NOTCH2NLA: variants seen among roughly 807,000 people sequenced by gnomAD.
NOTCH2NLA encodes notch homolog 2 N-terminal-like protein A.
intron 2 of NOTCH2NLA, among the ~76,000 whole-genome samples, chr1:146,172,459 A>G (rs1159130025): frequency 6.6e-6 from 1 of 150,878 alleles, no homozygotes; most frequent in East Asian, 1.9e-4. Flanking sequence ...CCAATCATCT[A>G]ACCATCTTAC....
Position 146,228,878 on chromosome 1 carries a change from C to T in NOTCH2NLA, c.-214G>A, listed in dbSNP as rs1357912210. 8.1e-6 allele frequency: 12 copies of T among 1,474,644 alleles called. No individual in the cohort carries two copies. The African/African-American group carries it at 1.7e-4, about 20-fold the overall frequency. 91.3% of individuals were successfully genotyped at this position (1,474,644 alleles called of 1,614,324 possible). ...TAGAGGAGCCCCACTCTCTCCTCCCCTCCTCCTGCTTCAAAGGCTCAGGCC... is the reference window on the plus strand; with the variant it reads ...TAGAGGAGCCCCACTCTCTCCTCCCTTCCTCCTGCTTCAAAGGCTCAGGCC... On this transcript the variant is annotated 5_prime_UTR_variant, in exon 1 of 5. Transcript: ENST00000362074.
intron 3 of NOTCH2NLA, among the ~76,000 whole-genome samples, chr1:146,159,393 GAGAAAGAAAGAA>G (rs201617510): frequency 0.035 from 3,857 of 110,994 alleles, 43 homozygotes; most frequent in South Asian, 0.044. Flanking sequence ...GAGAAAGAGA[GAGAAAGAAAGAA>G]AGAAAGAAAG....
At chr1:146,159,446 A>AGAAAG (rs1661372670) in intron 3 of NOTCH2NLA, among the ~76,000 whole-genome samples, 2 of 141,940 alleles carry the variant, frequency 1.4e-5, no homozygotes, top group Admixed American at 7.0e-5. Context: ...AAAGAAAGAA[A>AGAAAG]GAGAAAGAAA....
At chr1:146,170,882 A>G (rs1661933626) in intron 2 of NOTCH2NLA, among the ~76,000 whole-genome samples, 1 of 135,026 alleles carries the variant, frequency 7.4e-6, no homozygotes, top group East Asian at 2.0e-4. Flanking sequence ...GTATAGGGTT[A>G]TTTCCAGGCT....
chr1:146,219,783 C>T lies in NOTCH2NLA; in HGVS notation c.-45+8926G>A. Among the ~76,000 whole-genome samples the T allele has an allele frequency of 5.5e-5, 2 of 36,248 alleles. 1 individual carries two copies. The highest frequency in any genetic ancestry group is 1.0e-4 in the Non-Finnish European group (2 of 19,820). 23.8% of individuals were successfully genotyped at this position (36,248 alleles called of 152,430 possible). A position where few individuals can be genotyped will look rare whatever the true frequency, so the allele number is the denominator to read the frequency against. On this transcript the variant is annotated intron_variant, in intron 1 of 4. Transcript: ENST00000362074. ...TGTGTGCATATATATATATGTAGAT[C>T]TGTTCATAAACTAAAAAAAAAAAAT...
intron 3 of NOTCH2NLA, among the ~76,000 whole-genome samples, chr1:146,159,510 T>C (rs1422339568): frequency 6.6e-6 from 1 of 150,994 alleles, no homozygotes; most frequent in African/African-American, 2.4e-5. Context: ...TTGGTTTCCA[T>C]ATATATTATG....
At chr1:146,159,492 C>T (rs1177098169) in intron 3 of NOTCH2NLA, among the ~76,000 whole-genome samples, 1 of 151,074 alleles carries the variant, frequency 6.6e-6, no homozygotes, top group African/African-American at 2.4e-5. Flanking sequence ...AAAGAATCAA[C>T]CCTGAATTTG....
intron 2 of NOTCH2NLA, among the ~76,000 whole-genome samples, chr1:146,185,026 CTACCA>C (rs1553810020): frequency 1.5e-5 from 2 of 137,018 alleles, no homozygotes; most frequent in Non-Finnish European, 3.4e-5. Flanking sequence ...TAATGTAAAA[CTACCA>C]TACATGTGTA....
At chr1:146,185,584 A>G (rs1662718868) in intron 2 of NOTCH2NLA, among the ~76,000 whole-genome samples, 1 of 135,392 alleles carries the variant, frequency 7.4e-6, no homozygotes, top group Admixed American at 7.7e-5. Context: ...AGTTATCTTC[A>G]TCTGTCAATG....
intron 2 of NOTCH2NLA, among the ~76,000 whole-genome samples, chr1:146,187,780 G>C (rs868974269): frequency 1.5e-5 from 2 of 136,136 alleles, no homozygotes; most frequent in Non-Finnish European, 3.4e-5. Flanking sequence ...CTACTCTAAG[G>C]TATTAAGTTC....
intron 2 of NOTCH2NLA, among the ~76,000 whole-genome samples, chr1:146,174,367 G>T (rs1355538386): frequency 1.7e-5 from 2 of 117,860 alleles, no homozygotes; most frequent in Non-Finnish European, 3.6e-5. Context: ...AGGCCAAATT[G>T]CATCCAGGGC....
chr1:146,210,628 C>A (rs1178761792), intron 1 of NOTCH2NLA, among the ~76,000 whole-genome samples: 1 of 103,242 alleles, frequency 9.7e-6, no homozygotes, highest in Non-Finnish European at 1.9e-5. Context: ...CACACACGCA[C>A]ACACACACAG....
chr1:146,206,519 GA>G (rs1553815027), intron 1 of NOTCH2NLA, among the ~76,000 whole-genome samples: 8 of 147,192 alleles, frequency 5.4e-5, no homozygotes. Context: ...CAGAACACGA[GA>G]AATGTCACAT....
intron 2 of NOTCH2NLA, among the ~76,000 whole-genome samples, chr1:146,174,482 C>T (rs1457205882): frequency 1.3e-5 from 2 of 149,754 alleles, no homozygotes; most frequent in Non-Finnish European, 3.0e-5. Flanking sequence ...CAAAATCCCA[C>T]CACATACAAG....
At chr1:146,228,919 G>C (rs1305671065) in exon 1 of NOTCH2NLA, 1 of 1,470,604 alleles carries the variant, frequency 6.8e-7, no homozygotes, top group East Asian at 2.6e-5. Flanking sequence ...GCTACGCTCC[G>C]AAGCCCAGCG....
chr1:146,159,417 A>G (rs1553803731), intron 3 of NOTCH2NLA, among the ~76,000 whole-genome samples: 2 of 149,696 alleles, frequency 1.3e-5, no homozygotes, highest in Admixed American at 6.7e-5. Context: ...GAAAGAAAGA[A>G]AGAAAGAAAG....
chr1:146,172,774 T>C (rs1336818162), intron 2 of NOTCH2NLA, among the ~76,000 whole-genome samples: 3 of 150,522 alleles, frequency 2.0e-5, no homozygotes, highest in Non-Finnish European at 4.5e-5. Flanking sequence ...GTTATGTCTT[T>C]GCTGTACCTT....
chr1:146,186,131 T>G (rs1662748909), intron 2 of NOTCH2NLA, among the ~76,000 whole-genome samples: 1 of 134,382 alleles, frequency 7.4e-6, no homozygotes, highest in South Asian at 2.4e-4. Flanking sequence ...TATGCTAATA[T>G]TACTTTTGCT....
downstream of NOTCH2NLA, among the ~76,000 whole-genome samples, chr1:146,151,317 CAAAAAA>C (rs1159670389): frequency 2.5e-4 from 4 of 15,904 alleles, no homozygotes; most frequent in African/African-American, 7.1e-4. Context: ...TGCTCCGTCT[CAAAAAA>C]AAAAAAAAAA....
Sources: allele counts gnomAD v4.1 joint callset (sites outside exome capture counted in the v4.1 genomes callset), GRCh38; gene constraint gnomAD v4.1.1; transcripts MANE v1.5; gene names NCBI Gene and HGNC (gene_info 2026-07-23, HGNC 2026-07-21).